ZMIZ1: variants seen among roughly 807,000 people sequenced by gnomAD.
ZMIZ1 encodes the protein zinc finger MIZ-type containing 1.
Under a neutral mutation model 113.9 loss-of-function variants are expected in ZMIZ1, and 17 were observed. That is an observed-to-expected ratio of 0.15 (90% CI 0.10 to 0.22). The LOEUF is 0.22. ZMIZ1 is among the 10% of genes least tolerant of loss of function. The pLI, the probability that ZMIZ1 is intolerant of heterozygous loss-of-function variation, is 1.00. For synonymous variants in ZMIZ1, 607 were observed against 603.1 expected (o/e 1.01, Z -0.09); for missense variants, 1,059 against 1,477.8 (o/e 0.72, Z 4.65).
At chr10:79,251,201 T>C (rs758775739) in intron 7 of ZMIZ1, among the ~76,000 whole-genome samples, 3 of 152,062 alleles carry the variant, frequency 2.0e-5, no homozygotes, top group Non-Finnish European at 4.4e-5. Context: ...TCCCTACGTC[T>C]GTCCCCCTCC....
At chr10:79,254,261 G>A (rs1449010276) in intron 7 of ZMIZ1, among the ~76,000 whole-genome samples, 1 of 152,230 alleles carries the variant, frequency 6.6e-6, no homozygotes, top group Non-Finnish European at 1.5e-5. Context: ...CAGTCTTAGG[G>A]AAGTTCAGGG....
intron 7 of ZMIZ1, among the ~76,000 whole-genome samples, chr10:79,221,907 G>C (rs921392624): frequency 1.4e-4 from 22 of 152,248 alleles, no homozygotes; most frequent in Non-Finnish European, 2.9e-5. Context: ...TCTTCCTGAG[G>C]CTGGCCTCAC....
chr10:79,226,447 C>A (rs934468419), intron 7 of ZMIZ1, among the ~76,000 whole-genome samples: 1 of 152,230 alleles, frequency 6.6e-6, no homozygotes, highest in South Asian at 2.1e-4. Flanking sequence ...GACAGAGGTC[C>A]TGCCAAAACA....
intron 3 of ZMIZ1, 134 bp from the exon 4 acceptor site, chr10:79,161,919 G>GGGCA (rs1846127300): frequency 2.5e-6 from 1 of 398,100 alleles, no homozygotes; most frequent in Non-Finnish European, 4.4e-6. Context: ...GTTTATGCCA[G>GGGCA]GGCACCCCAT....
At chr10:79,096,648 G>T (rs1318374469) in intron 1 of ZMIZ1, among the ~76,000 whole-genome samples, 2 of 152,092 alleles carry the variant, frequency 1.3e-5, no homozygotes, top group Non-Finnish European at 2.9e-5. Context: ...CTGCCTTGAG[G>T]GGTTGATAGA....
intron 1 of ZMIZ1, among the ~76,000 whole-genome samples, chr10:79,071,797 AT>A (rs1842293290): frequency 6.6e-6 from 1 of 152,164 alleles, no homozygotes; most frequent in South Asian, 2.1e-4. Context: ...CAGGGAATGC[AT>A]TTGGAGGGAG....
At chr10:79,137,835 G>C (rs1172631325) in intron 2 of ZMIZ1, among the ~76,000 whole-genome samples, 1 of 152,072 alleles carries the variant, frequency 6.6e-6, no homozygotes, top group Non-Finnish European at 1.5e-5. Flanking sequence ...CTGGGGGGGG[G>C]GTGCTCCTAG....
intron 6 of ZMIZ1, 65 bp downstream of exon 6, chr10:79,208,514 G>A (rs1483006761): frequency 1.1e-5 from 15 of 1,401,106 alleles, no homozygotes; most frequent in South Asian, 2.4e-5. Context: ...TAGCGTGCCT[G>A]TCCAGGTTTC....
intron 7 of ZMIZ1, chr10:79,243,746 C>A: frequency 1.5e-5 from 4 of 263,366 alleles, no homozygotes; most frequent in South Asian, 8.3e-5. Context: ...TAGGTAAGTG[C>A]GGGGTCGGAG....
chr10:79,287,973 C>T (rs1470091884), intron 8 of ZMIZ1, among the ~76,000 whole-genome samples: 5 of 152,236 alleles, frequency 3.3e-5, no homozygotes, highest in African/African-American at 7.2e-5. Context: ...CAGGCAGTGT[C>T]GGGTAGGAGC....
chr10:79,193,628 T>TG (rs1419784161), intron 4 of ZMIZ1, among the ~76,000 whole-genome samples: 1 of 152,148 alleles, frequency 6.6e-6, no homozygotes, highest in Non-Finnish European at 1.5e-5. Context: ...GAGAGACAGT[T>TG]GCAAGGAGTC....
chr10:79,241,297 C>T (rs1408068985), intron 7 of ZMIZ1, among the ~76,000 whole-genome samples: 1 of 152,164 alleles, frequency 6.6e-6, no homozygotes. Flanking sequence ...GGAGGATCTG[C>T]AGTGGGGAGA....
Position 79,102,400 on chromosome 10 carries a change from T to C in ZMIZ1, c.-336-16515T>C, listed in dbSNP as rs1318060927. ...CCCCACCCGGGAGAGAAGGCCTCCT[T>C]TGCCCCGCCCTCTGCTCCATCAGCC... On this transcript the variant is annotated intron_variant, in intron 1 of 24. Transcript: ENST00000334512. 1.1e-4 allele frequency among the ~76,000 whole-genome samples: 16 copies of C among 152,188 alleles called. No individual in the cohort carries two copies. In the East Asian group the frequency reaches 3.1e-3, roughly 29 times the overall value.
At position 79,263,462 on chromosome 10, in the gene ZMIZ1, C is replaced by T. The variant is rs145507537; in HGVS notation, c.281-13719C>T. ...CAAAGCGCAGCCCATCTCAGTTCCT[C>T]TCCTGCCCCTTGTTACCACGGCACA... is the stretch of plus-strand genomic sequence containing the variant. On this transcript the variant is annotated intron_variant, in intron 7 of 24. Transcript: ENST00000334512. 2.5e-4 allele frequency among the ~76,000 whole-genome samples: 38 copies of T among 152,318 alleles called. 1 individual carries two copies. Among genetic ancestry groups the T allele is most frequent in the African/African-American group, 7.7e-4 (32 of 41,572 alleles).
Position 79,110,203 on chromosome 10 carries a change from G to A in ZMIZ1, c.-336-8712G>A, listed in dbSNP as rs537682346. ...CCTCATCTTTCCAGCAGGCATGTTCGTAGTAGTATCCATCTCCTGGCATGT... is the reference window on the plus strand; with the variant it reads ...CCTCATCTTTCCAGCAGGCATGTTCATAGTAGTATCCATCTCCTGGCATGT... On this transcript the variant is annotated intron_variant, in intron 1 of 24. Coordinates refer to ENST00000334512, the MANE Select transcript of ZMIZ1 (RefSeq NM_020338.4). Among the ~76,000 whole-genome samples the A allele has an allele frequency of 2.9e-3, 445 of 152,336 alleles. 4 individuals carry two copies. The highest frequency in any genetic ancestry group is 9.5e-3 in the South Asian group (46 of 4,828).
At chr10:79,294,450 G>T (rs934960666) in intron 12 of ZMIZ1, 2 of 152,368 alleles carry the variant, frequency 1.3e-5, no homozygotes, top group Non-Finnish European at 1.5e-5. Flanking sequence ...TAGCAGGAAA[G>T]AAAAGTTTTT....
intron 7 of ZMIZ1, among the ~76,000 whole-genome samples, chr10:79,244,878 G>A (rs781207936): frequency 1.3e-5 from 2 of 152,316 alleles, no homozygotes; most frequent in Middle Eastern, 3.4e-3. Flanking sequence ...GGGGCTCTGG[G>A]CCTGAAGCTT....
chr10:79,305,622 G>T (rs747359382), intron 21 of ZMIZ1, 21 bp downstream of exon 21: 19 of 1,611,916 alleles, frequency 1.2e-5, no homozygotes, highest in Non-Finnish European at 1.4e-5. Context: ...CCCTAGCGAG[G>T]GGCAGGGGGT....
At chr10:79,102,106 G>A (rs1173048246) in intron 1 of ZMIZ1, among the ~76,000 whole-genome samples, 1 of 152,188 alleles carries the variant, frequency 6.6e-6, no homozygotes, top group Non-Finnish European at 1.5e-5. Context: ...CTTCCCATCT[G>A]GAGTCACCAG....
Sources: gnomAD v4.1 joint callset for allele counts (sites outside exome capture counted in the v4.1 genomes callset) on GRCh38, gnomAD v4.1.1 for gene constraint, MANE v1.5 for transcripts, NCBI Gene and HGNC (gene_info 2026-07-23, HGNC 2026-07-21) for gene names.